Variants in RBMS3 observed in about 807,000 individuals in gnomAD.
RBMS3 encodes the protein RNA-binding motif, single-stranded-interacting protein 3.
In RBMS3, 27 loss-of-function variants were observed where a neutral mutation model predicts 66.8. That is an observed-to-expected ratio of 0.40 (90% CI 0.30 to 0.56). RBMS3 has a LOEUF of 0.56. Ranked by LOEUF, RBMS3 falls within the 20% of genes least tolerant of loss-of-function variation. The pLI is 0.40. For synonymous variants in RBMS3, 188 were observed against 183.0 expected, an observed-to-expected ratio of 1.03 and a Z score of -0.22; for missense variants, 513 against 549.5, an observed-to-expected ratio of 0.93 and a Z score of 0.66.
chr3:29,773,761 G>A (rs1576763878), intron 6 of RBMS3, among the ~76,000 whole-genome samples: 1 of 152,030 alleles, frequency 6.6e-6, no homozygotes, highest in Non-Finnish European at 1.5e-5. Flanking sequence ...CCCATTCGGG[G>A]CCATCCATAA....
intron 5 of RBMS3, among the ~76,000 whole-genome samples, chr3:29,760,718 G>A (rs368742669): frequency 2.8e-4 from 43 of 151,720 alleles, no homozygotes; most frequent in African/African-American, 1.0e-3. Flanking sequence ...CACTGGAAAG[G>A]AAACTTGAAA....
chr3:29,542,980 A>T (rs1432977645), intron 3 of RBMS3, among the ~76,000 whole-genome samples: 2 of 152,344 alleles, frequency 1.3e-5, no homozygotes, highest in South Asian at 4.1e-4. Context: ...TTTAAGAGAA[A>T]TGATAAAACA....
chr3:29,370,159 C>G (rs530667679), intron 1 of RBMS3, among the ~76,000 whole-genome samples: 1 of 152,226 alleles, frequency 6.6e-6, no homozygotes, highest in Non-Finnish European at 1.5e-5. Flanking sequence ...CAAGTTGTCT[C>G]GTATTTTCTC....
At chr3:29,729,847 T>C (rs939889393) in intron 4 of RBMS3, among the ~76,000 whole-genome samples, 1 of 152,012 alleles carries the variant, frequency 6.6e-6, no homozygotes, top group Admixed American at 6.6e-5. Flanking sequence ...AATTGAATTA[T>C]AGAACAATAA....
intron 4 of RBMS3, among the ~76,000 whole-genome samples, chr3:29,708,105 A>C (rs1180889446): frequency 6.6e-6 from 1 of 152,182 alleles, no homozygotes; most frequent in African/African-American, 2.4e-5. Flanking sequence ...CTGCTGATTG[A>C]CAGCGATATA....
At chr3:29,449,432 C>T (rs936437214) in intron 2 of RBMS3, among the ~76,000 whole-genome samples, 1 of 152,092 alleles carries the variant, frequency 6.6e-6, no homozygotes, top group African/African-American at 2.4e-5. Context: ...TATTATTTAC[C>T]AATGTGATAT....
At chr3:29,591,543 C>A (rs537464162) in intron 4 of RBMS3, among the ~76,000 whole-genome samples, 2 of 152,294 alleles carry the variant, frequency 1.3e-5, no homozygotes, top group South Asian at 4.1e-4. Context: ...AATCACATAA[C>A]CCCTGATTCT....
intron 6 of RBMS3, among the ~76,000 whole-genome samples, chr3:29,856,654 A>C (rs1007779744): frequency 2.0e-5 from 3 of 152,212 alleles, no homozygotes; most frequent in African/African-American, 7.2e-5. Flanking sequence ...CTGGACAGCT[A>C]TTCAACCTTC....
At chr3:29,801,831 ACTT>A (rs1240211556) in intron 6 of RBMS3, among the ~76,000 whole-genome samples, 1 of 152,046 alleles carries the variant, frequency 6.6e-6, no homozygotes, top group East Asian at 1.9e-4. Flanking sequence ...AAATTATACC[ACTT>A]CTCTTTACCA....
At chr3:29,474,935 A>C (rs1244318859) in intron 2 of RBMS3, among the ~76,000 whole-genome samples, 1 of 152,206 alleles carries the variant, frequency 6.6e-6, no homozygotes, top group Non-Finnish European at 1.5e-5. Context: ...TGGAAATATA[A>C]AGAATAGAAA....
intron 3 of RBMS3, among the ~76,000 whole-genome samples, chr3:29,562,849 T>C (rs1379883671): frequency 6.6e-6 from 1 of 152,158 alleles, no homozygotes; most frequent in African/African-American, 2.4e-5. Flanking sequence ...GCAAAATTAT[T>C]GTGTGTTAAA....
At chr3:29,828,757 T>C (rs968350257) in intron 6 of RBMS3, among the ~76,000 whole-genome samples, 1 of 152,192 alleles carries the variant, frequency 6.6e-6, no homozygotes, top group Non-Finnish European at 1.5e-5. Flanking sequence ...GAAAATTAAT[T>C]TGTAAAAAAG....
intron 14 of RBMS3, among the ~76,000 whole-genome samples, chr3:29,992,721 G>T (rs1490688292): frequency 2.0e-5 from 3 of 152,178 alleles, no homozygotes; most frequent in African/African-American, 7.2e-5. Flanking sequence ...GAGGGGGTCA[G>T]TGAGTGGGGA....
intron 1 of RBMS3, among the ~76,000 whole-genome samples, chr3:29,355,766 A>C (rs957932374): frequency 6.6e-6 from 1 of 152,110 alleles, no homozygotes; most frequent in South Asian, 2.1e-4. Context: ...CCCACAAAGA[A>C]AAAATCATAG....
At chr3:29,382,784 T>C (rs1211365034) in intron 1 of RBMS3, among the ~76,000 whole-genome samples, 2 of 152,232 alleles carry the variant, frequency 1.3e-5, no homozygotes, top group Non-Finnish European at 2.9e-5. Context: ...AACAAAGTTG[T>C]TCTTTACAGT....
chr3:29,409,032 A>T (rs2040150816), intron 1 of RBMS3, among the ~76,000 whole-genome samples: 1 of 152,344 alleles, frequency 6.6e-6, no homozygotes, highest in African/African-American at 2.4e-5. Flanking sequence ...CATCTAATTC[A>T]ACTTGCTCGT....
chr3:29,801,553 C>T (rs1254083016), intron 6 of RBMS3, among the ~76,000 whole-genome samples: 1 of 151,036 alleles, frequency 6.6e-6, no homozygotes, highest in East Asian at 1.9e-4. Flanking sequence ...CAGGCATGAG[C>T]ACCTGACCAG....
At chr3:29,788,071 A>G (rs963275781) in intron 6 of RBMS3, among the ~76,000 whole-genome samples, 1 of 152,084 alleles carries the variant, frequency 6.6e-6, no homozygotes, top group African/African-American at 2.4e-5. Context: ...GCTATTGTCA[A>G]CATTCCCTGT....
At chr3:29,730,242 C>T (rs2054073467) in intron 4 of RBMS3, among the ~76,000 whole-genome samples, 1 of 137,940 alleles carries the variant, frequency 7.2e-6, no homozygotes, top group African/African-American at 2.7e-5. Context: ...ATATATATGA[C>T]ACAGTGTTTG....
Sources: allele counts gnomAD v4.1 joint callset (sites outside exome capture counted in the v4.1 genomes callset), GRCh38; gene constraint gnomAD v4.1.1; transcripts MANE v1.5; gene names NCBI Gene and HGNC (gene_info 2026-07-23, HGNC 2026-07-21).